The following MCM5 variants were observed in gnomAD, a reference collection of about 807,000 sequenced individuals.
The protein encoded by MCM5 is minichromosome maintenance complex component 5, also known as DNA replication licensing factor MCM5.
A neutral mutation model predicts 79.9 loss-of-function variants in MCM5; 46 were observed. The ratio of observed to expected loss-of-function variants is 0.58; its 90% CI spans 0.45 to 0.74. The LOEUF (loss-of-function observed/expected upper bound fraction) is 0.74. Ranked by LOEUF, MCM5 falls within the 30% of genes least tolerant of loss-of-function variation. The pLI, the probability that MCM5 is intolerant of heterozygous loss-of-function variation, is 0.00. For missense variants in MCM5, 883 were observed against 1,017.0 expected (o/e 0.87, Z 1.79); for synonymous variants, 404 against 390.5 (o/e 1.03, Z -0.41).
rs1278733968 is a variant in MCM5, at chr22:35,408,366, C to G, written c.597-42C>G. 2.5e-6 allele frequency: 4 copies of G among 1,580,746 alleles called. No individual in the cohort carries two copies. The South Asian group carries it at 4.5e-5, about 18-fold the overall frequency. ...GATGAATGAGCCCTGCCTTTGGATT[C>G]TCCAGGTAGCTTTGGTGACTCTTTT... On this transcript the variant is annotated intron_variant, in intron 5 of 16. Transcript: ENST00000216122.
chr22:35,439,147 T>TCATC, the MCM5 span, among the ~76,000 whole-genome samples: 1 of 135,988 alleles, frequency 7.4e-6, no homozygotes, highest in East Asian at 2.4e-4. Flanking sequence ...ACTCACATAT[T>TCATC]CATCCATCCA....
chr22:35,449,938 T>C, the MCM5 span, among the ~76,000 whole-genome samples: 22 of 152,236 alleles, frequency 1.4e-4, no homozygotes, highest in East Asian at 4.3e-3. Flanking sequence ...TGCACCACCA[T>C]GCCCAGCTAA....
intron 6 of MCM5, 137 bp from the exon 7 acceptor site, chr22:35,410,607 G>C: frequency 1.2e-6 from 1 of 815,452 alleles, no homozygotes; most frequent in Non-Finnish European, 2.2e-6. Context: ...CGTGGGGCTG[G>C]AGCCAGCTCA....
At chr22:35,438,602 CCCACCCACATATTCATCCATCCAT>C in the MCM5 span, among the ~76,000 whole-genome samples, 2 of 57,076 alleles carry the variant, frequency 3.5e-5, no homozygotes, top group South Asian at 6.6e-4. Flanking sequence ...CATGCATCCA[CCCACCCACATATTCATCCATCCAT>C]CCACCCACAT....
the MCM5 span, among the ~76,000 whole-genome samples, chr22:35,446,839 G>A: frequency 1.3e-5 from 2 of 152,148 alleles, no homozygotes; most frequent in Non-Finnish European, 2.9e-5. Flanking sequence ...TTCTGAATGG[G>A]GGGGTTTGTT....
At chr22:35,406,281 A>C (rs1208463588) in intron 4 of MCM5, among the ~76,000 whole-genome samples, 1 of 136,602 alleles carries the variant, frequency 7.3e-6, no homozygotes, top group Non-Finnish European at 1.5e-5. Context: ...TGCTTAGTGT[A>C]TCTCTTGCCC....
At chr22:35,418,410 A>G (rs955446482) in intron 13 of MCM5, among the ~76,000 whole-genome samples, 1 of 152,194 alleles carries the variant, frequency 6.6e-6, no homozygotes, top group African/African-American at 2.4e-5. Context: ...CTGTAATCCC[A>G]GCACTTTGGG....
At chr22:35,431,018 G>C in the MCM5 span, among the ~76,000 whole-genome samples, 1 of 152,134 alleles carries the variant, frequency 6.6e-6, no homozygotes, top group African/African-American at 2.4e-5. Context: ...CCAGGCCCGG[G>C]GCTGCAGCCT....
intron 5 of MCM5, among the ~76,000 whole-genome samples, 184 bp from the exon 6 acceptor site, chr22:35,408,224 C>T (rs1422513060): frequency 3.3e-5 from 5 of 152,200 alleles, no homozygotes; most frequent in African/African-American, 9.6e-5. Context: ...GTGCTAGGTC[C>T]GTCAGTGTTG....
the MCM5 span, among the ~76,000 whole-genome samples, chr22:35,449,550 CGTGGCCTCTTTGTCCCAGCT>C: frequency 2.0e-5 from 3 of 148,928 alleles, no homozygotes; most frequent in Admixed American, 6.6e-5. Context: ...GTGTCCCAAC[CGTGGCCTCTTTGTCCCAGCT>C]GTGGCCTCTC....
At chr22:35,452,336 C>T in the MCM5 span, among the ~76,000 whole-genome samples, 2 of 152,154 alleles carry the variant, frequency 1.3e-5, no homozygotes, top group Non-Finnish European at 2.9e-5. Context: ...GCAGATGTCA[C>T]ACCCTGGAAC....
At chr22:35,453,817 TATAGAGAGAGAG>T in the MCM5 span, among the ~76,000 whole-genome samples, 2 of 78,258 alleles carry the variant, frequency 2.6e-5, no homozygotes, top group Non-Finnish European at 2.5e-5. Context: ...TATATATATA[TATAGAGAGAGAG>T]AGAGAGAGAG....
At chr22:35,430,409 A>G (rs1197108388), downstream of MCM5, among the ~76,000 whole-genome samples, 1 of 152,132 alleles carries the variant, frequency 6.6e-6, no homozygotes, top group Non-Finnish European at 1.5e-5. Context: ...GAGTGCCTGT[A>G]GTTAATCATT....
the MCM5 span, among the ~76,000 whole-genome samples, chr22:35,441,550 A>G: frequency 1.3e-5 from 2 of 152,224 alleles, no homozygotes; most frequent in African/African-American, 4.8e-5. Context: ...AAACAGGCAC[A>G]GGCTAAGTCA....
At chr22:35,454,085 G>A in the MCM5 span, among the ~76,000 whole-genome samples, 2 of 152,054 alleles carry the variant, frequency 1.3e-5, no homozygotes, top group African/African-American at 4.8e-5. Context: ...TGGAGACGGC[G>A]ATAGAGTGAA....
the MCM5 span, among the ~76,000 whole-genome samples, chr22:35,447,194 A>G: frequency 1.3e-5 from 2 of 151,974 alleles, no homozygotes; most frequent in African/African-American, 4.8e-5. Context: ...AGGATTCGAC[A>G]TGAAGCTGTG....
At chr22:35,415,264 T>G (rs1465835580) in intron 9 of MCM5, among the ~76,000 whole-genome samples, 1 of 152,234 alleles carries the variant, frequency 6.6e-6, no homozygotes, top group African/African-American at 2.4e-5. Flanking sequence ...TCGCTATATC[T>G]AAAATCTCAT....
intron 13 of MCM5, among the ~76,000 whole-genome samples, chr22:35,419,559 A>AT (rs1459984093): frequency 6.6e-6 from 1 of 152,166 alleles, no homozygotes; most frequent in Non-Finnish European, 1.5e-5. Context: ...CATTACATGT[A>AT]TGGGGGACCT....
chr22:35,453,169 G>A, the MCM5 span, among the ~76,000 whole-genome samples: 3 of 152,178 alleles, frequency 2.0e-5, no homozygotes, highest in South Asian at 2.1e-4. Flanking sequence ...ATCCTGACAC[G>A]ACACGGGCCT....
Sources: allele counts gnomAD v4.1 joint callset (sites outside exome capture counted in the v4.1 genomes callset), GRCh38; gene constraint gnomAD v4.1.1; transcripts MANE v1.5; gene names NCBI Gene and HGNC (gene_info 2026-07-23, HGNC 2026-07-21).